The following WWOX variants were observed in gnomAD, a reference collection of about 807,000 sequenced individuals.
WWOX encodes the protein WW domain containing oxidoreductase.
In WWOX, 69 loss-of-function variants were observed where a neutral mutation model predicts 46.2. That is an observed-to-expected ratio of 1.49 (90% CI 1.23 to 1.82). WWOX has a LOEUF of 1.82. WWOX is among the 40% of genes most tolerant of loss of function. WWOX has a pLI of 0.00. For missense variants in WWOX, 919 were observed against 542.6 expected (o/e 1.69, Z -6.89); for synonymous variants, 359 against 202.6 (o/e 1.77, Z -6.56).
chr16:78,669,523 G>A (rs2047411621), intron 8 of WWOX, among the ~76,000 whole-genome samples: 1 of 152,164 alleles, frequency 6.6e-6, no homozygotes, highest in Non-Finnish European at 1.5e-5. Flanking sequence ...ACAATCCATA[G>A]GACAGTACCT....
At chr16:78,147,879 C>G (rs973724958) in intron 4 of WWOX, among the ~76,000 whole-genome samples, 9 of 150,436 alleles carry the variant, frequency 6.0e-5, no homozygotes, top group Admixed American at 2.7e-4. Context: ...GGGGTGGAAA[C>G]TATGTTGCCA....
At chr16:78,320,870 C>A (rs2080452726) in intron 5 of WWOX, among the ~76,000 whole-genome samples, 2 of 152,170 alleles carry the variant, frequency 1.3e-5, no homozygotes, top group South Asian at 2.1e-4. Flanking sequence ...ATGACTTGAT[C>A]ACAAAAATGA....
rs1180425119 is a variant in WWOX at position 78,432,490 on chromosome 16, T to G, written c.794T>G (p.Phe265Cys). The G allele has an allele frequency of 1.2e-6, 2 of 1,613,918 alleles. No individual in the cohort carries two copies. The highest frequency in any genetic ancestry group is 1.3e-5 in the African/African-American group (1 of 74,894). ...ATGTCATATTTCCTATTTTTAAGATTTACAGATATTAACGACTCCTTGGGA... is the reference window on the plus strand; with the variant it reads ...ATGTCATATTTCCTATTTTTAAGATGTACAGATATTAACGACTCCTTGGGA... ...VIVVSSESHR[F>C]TDINDSLGKL... The change falls in exon 8 of 9, where the codon TTT becomes TGT. Residue 265 changes from phenylalanine (F) to cysteine (C), a missense_variant and splice_region_variant. Coordinates refer to ENST00000566780, the MANE Select transcript of WWOX (RefSeq NM_016373.4).
At chr16:78,813,215 C>T (rs80240120) in intron 8 of WWOX, among the ~76,000 whole-genome samples, 4,457 of 151,788 alleles carry the variant, frequency 0.029, 75 homozygotes, top group African/African-American at 0.047. Flanking sequence ...GCTATCATAG[C>T]GTTACCTACC....
intron 4 of WWOX, among the ~76,000 whole-genome samples, chr16:78,154,437 T>C (rs1378242054): frequency 6.6e-6 from 1 of 151,618 alleles, no homozygotes; most frequent in East Asian, 1.9e-4. Flanking sequence ...TTCATCTCTG[T>C]TGTATTCATG....
chr16:79,210,199 T>G (rs11150144), intron 8 of WWOX, among the ~76,000 whole-genome samples: 1 of 152,086 alleles, frequency 6.6e-6, no homozygotes, highest in South Asian at 2.1e-4. Flanking sequence ...ACCAACTCCA[T>G]TGTTACTAGA....
At chr16:78,794,262 G>T (rs868575939) in intron 8 of WWOX, among the ~76,000 whole-genome samples, 1 of 152,190 alleles carries the variant, frequency 6.6e-6, no homozygotes, top group African/African-American at 2.4e-5. Context: ...TGAATTTGCT[G>T]CTTCCTTGAT....
intron 8 of WWOX, among the ~76,000 whole-genome samples, chr16:78,977,616 G>C (rs978777989): frequency 6.6e-6 from 1 of 152,122 alleles, no homozygotes; most frequent in African/African-American, 2.4e-5. Flanking sequence ...AAAGGGGAGA[G>C]GAGATAGAAG....
rs552198678 is a variant in WWOX at position 78,625,925 on chromosome 16, A to T, written c.1056+193173A>T. On this transcript the variant is annotated intron_variant, in intron 8 of 8. Coordinates refer to ENST00000566780, the MANE Select transcript of WWOX (RefSeq NM_016373.4). ...TTAAGTTTTTAAGTAAGTTTAAGTA[A>T]AATTTGCATTACTTAAAAGTAATCG... Among the ~76,000 whole-genome samples, 104 of 149,604 alleles carry T rather than the reference A, an allele frequency of 7.0e-4. 1 individual carries two copies. Among genetic ancestry groups the T allele is most frequent in the African/African-American group, 2.4e-3 (96 of 40,718 alleles).
At chr16:79,034,216 T>C (rs544647014) in intron 8 of WWOX, among the ~76,000 whole-genome samples, 1 of 152,328 alleles carries the variant, frequency 6.6e-6, no homozygotes, top group East Asian at 1.9e-4. Flanking sequence ...GCATTAATTC[T>C]CCTAAAAAGC....
chr16:78,653,313 A>G (rs72794716), intron 8 of WWOX, among the ~76,000 whole-genome samples: 7,730 of 152,318 alleles, frequency 0.051, 279 homozygotes, highest in Non-Finnish European at 0.076. Flanking sequence ...CTATTTTAAA[A>G]AATAACTCAG....
chr16:78,774,527 T>C (rs1049129824), intron 8 of WWOX, among the ~76,000 whole-genome samples: 44 of 114,862 alleles, frequency 3.8e-4, no homozygotes, highest in Admixed American at 5.5e-4. Flanking sequence ...TGTGTGTGTG[T>C]GTGTGCGCGT....
intron 4 of WWOX, among the ~76,000 whole-genome samples, chr16:78,139,602 G>A (rs917162060): frequency 9.9e-5 from 15 of 152,242 alleles, no homozygotes; most frequent in Admixed American, 7.2e-4. Flanking sequence ...CTGAGATTGC[G>A]CCACTGCACT....
intron 8 of WWOX, chr16:79,077,504 A>G (rs1178899258): frequency 2.0e-5 from 3 of 152,160 alleles, no homozygotes; most frequent in Non-Finnish European, 2.9e-5. Context: ...ATTCACAGAG[A>G]TGGTCTAAAC....
chr16:78,681,300 G>C (rs1363544812), intron 8 of WWOX, among the ~76,000 whole-genome samples: 1 of 152,190 alleles, frequency 6.6e-6, no homozygotes, highest in Non-Finnish European at 1.5e-5. Context: ...AGCTACTTGG[G>C]AGGCTGAGGT....
chr16:78,945,585 TC>T (rs2045933116), intron 8 of WWOX, among the ~76,000 whole-genome samples: 1 of 152,196 alleles, frequency 6.6e-6, no homozygotes, highest in Non-Finnish European at 1.5e-5. Flanking sequence ...GTTTTTTCTC[TC>T]TTTTGGTTTG....
chr16:79,046,549 C>T (rs2048068845), intron 8 of WWOX, among the ~76,000 whole-genome samples: 2 of 152,168 alleles, frequency 1.3e-5, no homozygotes, highest in Admixed American at 6.5e-5. Context: ...TGCATCTTCA[C>T]ATGGTGGGAA....
intron 5 of WWOX, among the ~76,000 whole-genome samples, chr16:78,375,775 CAACAAAACAA>C (rs894404340): frequency 6.6e-6 from 1 of 150,646 alleles, no homozygotes; most frequent in African/African-American, 2.4e-5. Context: ...TTTCAGTGGC[CAACAAAACAA>C]AACAAAACAA....
chr16:79,058,638 T>C (rs1310183756), intron 8 of WWOX, among the ~76,000 whole-genome samples: 1 of 152,202 alleles, frequency 6.6e-6, no homozygotes, highest in Non-Finnish European at 1.5e-5. Flanking sequence ...GGAAAAAATT[T>C]CCTTGGATAT....
Sources: allele counts gnomAD v4.1 joint callset (sites outside exome capture counted in the v4.1 genomes callset), GRCh38; gene constraint gnomAD v4.1.1; transcripts MANE v1.5; gene names NCBI Gene and HGNC (gene_info 2026-07-23, HGNC 2026-07-21).